BTG4: variants seen among roughly 807,000 people sequenced by gnomAD.
BTG4 encodes BTG anti-proliferation factor 4.
Under a neutral mutation model 19.3 loss-of-function variants are expected in BTG4, and 10 were observed. The ratio of observed to expected loss-of-function variants is 0.52; its 90% confidence interval spans 0.32 to 0.88. The LOEUF is 0.88. Among genes scored for constraint, BTG4 ranks in the 40% least tolerant of loss-of-function variants. The probability of loss-of-function intolerance (pLI) is 0.04; values close to 1 mark genes in which losing one functional copy is unlikely to be tolerated. For synonymous variants in BTG4, 91 were observed against 95.7 expected (o/e 0.95, Z 0.29); for missense variants, 238 against 281.9 (o/e 0.84, Z 1.11).
At chr11:111,470,098 T>A (rs1174775401) in intron 5 of BTG4, 4 of 152,458 alleles carry the variant, frequency 2.6e-5, no homozygotes, top group African/African-American at 9.7e-5. Flanking sequence ...ATGACAATAT[T>A]TTTTGTTTTG....
At chr11:111,392,794 G>A in the BTG4 span, among the ~76,000 whole-genome samples, 2 of 152,150 alleles carry the variant, frequency 1.3e-5, no homozygotes, top group African/African-American at 4.8e-5. Flanking sequence ...CCAGACCTGC[G>A]AGTCAAGTGC....
chr11:111,505,067 A>C (rs1396704403), intron 1 of BTG4, among the ~76,000 whole-genome samples: 1 of 152,002 alleles, frequency 6.6e-6, no homozygotes, highest in Non-Finnish European at 1.5e-5. Flanking sequence ...GATTCAATGC[A>C]ATCCCTATCC....
chr11:111,492,877 C>T (rs1865500722), downstream of BTG4, among the ~76,000 whole-genome samples: 1 of 152,034 alleles, frequency 6.6e-6, no homozygotes, highest in Admixed American at 6.6e-5. Flanking sequence ...TCTCAAATAC[C>T]AGAGTCCCCG....
chr11:111,417,135 T>C, the BTG4 span: 29 of 152,178 alleles, frequency 1.9e-4, no homozygotes, highest in Non-Finnish European at 2.9e-4. Flanking sequence ...ACACCTGCCT[T>C]ATGTCCCTGG....
At chr11:111,395,415 T>G in the BTG4 span, among the ~76,000 whole-genome samples, 11 of 151,620 alleles carry the variant, frequency 7.3e-5, no homozygotes, top group African/African-American at 2.4e-4. Context: ...AGCAGAGCCT[T>G]GCATCCCAGC....
At chr11:111,435,359 G>A in the BTG4 span, among the ~76,000 whole-genome samples, 2 of 152,108 alleles carry the variant, frequency 1.3e-5, no homozygotes, top group Non-Finnish European at 2.9e-5. Flanking sequence ...GGACACCACC[G>A]CCACCACCGC....
chr11:111,477,020 A>G (rs1180124728), intron 5 of BTG4, among the ~76,000 whole-genome samples: 2 of 152,178 alleles, frequency 1.3e-5, no homozygotes, highest in African/African-American at 2.4e-5. Flanking sequence ...GGCCCCTGGG[A>G]GAGGTGGCAA....
rs1026643397 is a variant in BTG4 at position 111,510,180 on chromosome 11, G to T, written c.-27+2001C>A. Among the ~76,000 whole-genome samples, 7 of 152,016 alleles carry T rather than the reference G, an allele frequency of 4.6e-5. No homozygotes were observed. In the South Asian group the frequency reaches 1.5e-3, roughly 32 times the overall value. ...CCGCCTTGACCTCCCAAAGTGCTGG[G>T]ATTACAGGTGTGAGCCACAACCCCC... On this transcript the variant is annotated intron_variant, in intron 1 of 4. Coordinates refer to ENST00000692032, the MANE Select transcript of BTG4 (RefSeq NM_001367975.1).
chr11:111,501,715 T>C (rs1036137059), intron 1 of BTG4, among the ~76,000 whole-genome samples: 2 of 152,178 alleles, frequency 1.3e-5, no homozygotes, highest in Non-Finnish European at 2.9e-5. Context: ...GTAATGGATA[T>C]CCCAATTACC....
At chr11:111,448,876 C>T in the BTG4 span, among the ~76,000 whole-genome samples, 2 of 109,282 alleles carry the variant, frequency 1.8e-5, no homozygotes, top group African/African-American at 8.2e-5. Context: ...TTGCATGGGA[C>T]ATAGTTATAC....
At chr11:111,398,497 A>C in the BTG4 span, among the ~76,000 whole-genome samples, 1 of 152,012 alleles carries the variant, frequency 6.6e-6, no homozygotes, top group African/African-American at 2.4e-5. Context: ...TCTGTTGCTC[A>C]GGCTGGAGTG....
At chr11:111,460,466 G>A in the BTG4 span, 1 of 152,458 alleles carries the variant, frequency 6.6e-6, no homozygotes, top group Non-Finnish European at 1.5e-5. Flanking sequence ...GTTAGGCATT[G>A]AGATACAAGG....
At chr11:111,427,742 C>T in the BTG4 span, among the ~76,000 whole-genome samples, 1 of 152,334 alleles carries the variant, frequency 6.6e-6, no homozygotes, top group Middle Eastern at 3.4e-3. Flanking sequence ...CACCCAGAAG[C>T]TGCAGCTACC....
chr11:111,399,762 C>T, the BTG4 span, among the ~76,000 whole-genome samples: 5 of 152,284 alleles, frequency 3.3e-5, no homozygotes, highest in East Asian at 9.6e-4. Flanking sequence ...CACAGCATCT[C>T]CATCCTATAG....
intron 5 of BTG4, among the ~76,000 whole-genome samples, chr11:111,477,749 A>G (rs1251717101): frequency 6.6e-6 from 1 of 152,142 alleles, no homozygotes; most frequent in South Asian, 2.1e-4. Context: ...AATGGTAACC[A>G]ACCAAAAGAG....
the BTG4 span, among the ~76,000 whole-genome samples, chr11:111,420,259 A>C: frequency 6.6e-6 from 1 of 152,252 alleles, no homozygotes; most frequent in African/African-American, 2.4e-5. Context: ...TCATCCCAGC[A>C]GTCCAGATGA....
At position 111,480,231 on chromosome 11, in the gene BTG4, A is replaced by G. The variant is rs561681442; in HGVS notation, c.663-12550T>C. 3.0e-4 allele frequency among the ~76,000 whole-genome samples: 46 copies of G among 152,248 alleles called. No homozygotes were observed. In the Middle Eastern group the frequency reaches 0.014, roughly 45 times the overall value. On this transcript the variant is annotated intron_variant, in intron 5 of 5. Coordinates refer to the BTG4 transcript ENST00000356018. ...TAAAGCCGACATCACAGCAAAGTAG[A>G]TTACCAGAAACAGGAACATTACATA...
At chr11:111,506,031 G>A (rs1229490268) in intron 1 of BTG4, among the ~76,000 whole-genome samples, 2 of 152,124 alleles carry the variant, frequency 1.3e-5, no homozygotes, top group Non-Finnish European at 2.9e-5. Flanking sequence ...TGGTGGGAAT[G>A]TAAATTAATT....
chr11:111,489,629 AAAGAATAAAATCCTATCATTTACG>A (rs1445972489), intron 5 of BTG4, among the ~76,000 whole-genome samples: 1 of 152,226 alleles, frequency 6.6e-6, no homozygotes, highest in Non-Finnish European at 1.5e-5. Flanking sequence ...CTTTCATAAA[AAAGAATAAAATCCTATCATTTACG>A]AAGAATAAAA....
Sources: allele counts gnomAD v4.1 joint callset (sites outside exome capture counted in the v4.1 genomes callset), GRCh38; gene constraint gnomAD v4.1.1; transcripts MANE v1.5; gene names NCBI Gene and HGNC (gene_info 2026-07-23, HGNC 2026-07-21).